PRPF18: variants seen among roughly 807,000 people sequenced by gnomAD.
PRPF18 encodes pre-mRNA-splicing factor 18.
In PRPF18, 38 loss-of-function variants were observed where a neutral mutation model predicts 46.5. The observed-to-expected ratio is 0.82, with a 90% CI of 0.63 to 1.07. PRPF18 has a LOEUF of 1.07. PRPF18 is among the 50% of genes least tolerant of loss of function. PRPF18 has a pLI of 0.00. For synonymous variants in PRPF18, 152 were observed against 146.7 expected, an observed-to-expected ratio of 1.04 and a Z score of -0.26; for missense variants, 263 against 410.0, an observed-to-expected ratio of 0.64 and a Z score of 3.10.
chr10:13,603,554 C>T (rs149729959), intron 3 of PRPF18, among the ~76,000 whole-genome samples: 45 of 152,262 alleles, frequency 3.0e-4, no homozygotes, highest in African/African-American at 1.1e-3. Flanking sequence ...TAATAACTAG[C>T]TCACATTCCC....
chr10:13,591,768 A>G, intron 1 of PRPF18: 1 of 1,371,076 alleles, frequency 7.3e-7, no homozygotes, highest in Non-Finnish European at 9.9e-7. Flanking sequence ...TTCTTCATAG[A>G]GGAACTCGAT....
At chr10:13,593,184 A>G (rs2079988917) in intron 1 of PRPF18, among the ~76,000 whole-genome samples, 2 of 152,232 alleles carry the variant, frequency 1.3e-5, no homozygotes, top group African/African-American at 4.8e-5. Flanking sequence ...AGTAAGGAAA[A>G]CTGTATACTA....
the PRPF18 span, chr10:13,647,063 G>A: frequency 3.2e-6 from 2 of 616,424 alleles, no homozygotes; most frequent in Non-Finnish European, 4.0e-6. Context: ...AAGGAGATGA[G>A]ACAGTTAGTT....
intron 9 of PRPF18, among the ~76,000 whole-genome samples, chr10:13,627,278 C>T (rs2080522520): frequency 6.6e-6 from 1 of 152,158 alleles, no homozygotes; most frequent in African/African-American, 2.4e-5. Flanking sequence ...CCTGTCTTCC[C>T]TTACCACAAT....
At chr10:13,633,193 G>A (rs2080605775), downstream of PRPF18, among the ~76,000 whole-genome samples, 1 of 152,228 alleles carries the variant, frequency 6.6e-6, no homozygotes, top group South Asian at 2.1e-4. Flanking sequence ...TCTCGTAGGA[G>A]GAAGGGAGCG....
intron 1 of PRPF18, among the ~76,000 whole-genome samples, chr10:13,596,868 C>G (rs1018746731): frequency 6.6e-6 from 1 of 152,040 alleles, no homozygotes; most frequent in South Asian, 2.1e-4. Flanking sequence ...AACAGAAAAC[C>G]AGAAAAACGC....
the PRPF18 span, chr10:13,654,498 T>C: frequency 1.2e-6 from 2 of 1,613,102 alleles, no homozygotes; most frequent in Admixed American, 3.3e-5. Context: ...CTTCTCTGGC[T>C]TTGAGGTAAG....
downstream of PRPF18, chr10:13,631,223 C>T (rs1328026588): frequency 6.6e-6 from 1 of 152,298 alleles, no homozygotes; most frequent in Non-Finnish European, 1.5e-5. Flanking sequence ...AGTGAGGGCT[C>T]GTTCTAATGT....
At chr10:13,639,519 C>CAAAAAA in the PRPF18 span, 1 of 148,664 alleles carries the variant, frequency 6.7e-6, no homozygotes. Flanking sequence ...TAACGTGGGC[C>CAAAAAA]AAAAAAAAAA....
intron 1 of PRPF18, among the ~76,000 whole-genome samples, chr10:13,590,441 C>CAAAA (rs71721771): frequency 6.7e-5 from 9 of 134,958 alleles, no homozygotes; most frequent in East Asian, 2.2e-4. Flanking sequence ...ACTGAAAATA[C>CAAAA]AAAAAAAAAA....
At chr10:13,601,657 G>T (rs746036912) in intron 3 of PRPF18, among the ~76,000 whole-genome samples, 3 of 152,036 alleles carry the variant, frequency 2.0e-5, no homozygotes, top group Non-Finnish European at 2.9e-5. Context: ...TATGTTGGGG[G>T]GTGTGTGTGT....
At chr10:13,654,399 A>C in the PRPF18 span, 1 of 1,523,448 alleles carries the variant, frequency 6.6e-7, no homozygotes, top group Non-Finnish European at 9.1e-7. Context: ...AGTGAAGAAC[A>C]TAGAAGGAGA....
intron 4 of PRPF18, among the ~76,000 whole-genome samples, chr10:13,608,821 A>C (rs999714680): frequency 1.3e-5 from 2 of 152,240 alleles, no homozygotes; most frequent in African/African-American, 4.8e-5. Flanking sequence ...GCACAGGAGC[A>C]CAAGGTCTGG....
chr10:13,592,481 A>G (rs2079978866), intron 1 of PRPF18, among the ~76,000 whole-genome samples: 1 of 152,236 alleles, frequency 6.6e-6, no homozygotes. Context: ...ATCTTTGGTC[A>G]TTTCAAGTGG....
At chr10:13,591,928 G>GGTTTTTTTTT (rs1564448930) in intron 1 of PRPF18, 2 of 1,011,566 alleles carry the variant, frequency 2.0e-6, no homozygotes, top group African/African-American at 1.8e-5. Context: ...TCAACTGAGG[G>GGTTTTTTTTT]TTTTTTTTTT....
the PRPF18 span, among the ~76,000 whole-genome samples, chr10:13,649,902 A>C: frequency 6.6e-6 from 1 of 152,240 alleles, no homozygotes; most frequent in Non-Finnish European, 1.5e-5. Context: ...CATTCACTGG[A>C]ACATGAGCTG....
At chr10:13,615,169 A>G (rs940590427) in intron 8 of PRPF18, among the ~76,000 whole-genome samples, 4 of 152,236 alleles carry the variant, frequency 2.6e-5, no homozygotes, top group South Asian at 2.1e-4. Context: ...TTGCATTGGC[A>G]TGGATGGATA....
In PRPF18 at chr10:13,586,968, T is replaced by G. The variant is rs937994663; in HGVS notation, c.-119T>G. 2 of 1,038,878 alleles carry G rather than the reference T, an allele frequency of 1.9e-6. No homozygotes were observed. The highest frequency in any genetic ancestry group is 3.0e-6 in the Non-Finnish European group (2 of 664,820). The allele number at this position is 1,038,878 out of a possible 1,614,324, so 64.4% of individuals were successfully genotyped here. On this transcript the variant is annotated 5_prime_UTR_variant, in exon 1 of 10. Transcript: ENST00000378572. ...TCCGCCGGAAGCGGCTCCTGTCAGT[T>G]GTTCTCAGGTGTTTGGGCTTGTTGT...
intron 2 of PRPF18, among the ~76,000 whole-genome samples, chr10:13,598,551 A>G (rs2080065531): frequency 6.6e-6 from 1 of 152,244 alleles, no homozygotes; most frequent in African/African-American, 2.4e-5. Context: ...GTAGTTTTCA[A>G]AAGATACCAA....
Sources: allele counts gnomAD v4.1 joint callset (sites outside exome capture counted in the v4.1 genomes callset), GRCh38; gene constraint gnomAD v4.1.1; transcripts MANE v1.5; gene names NCBI Gene and HGNC (gene_info 2026-07-23, HGNC 2026-07-21).